The following ZNF875 variants were observed in gnomAD, a reference collection of about 807,000 sequenced individuals.
ZNF875 encodes HKR1, GLI-Kruppel zinc finger family member.
ZNF875 carries 14 observed loss-of-function variants against 11.2 expected under a neutral mutation model. The ratio of observed to expected loss-of-function variants is 1.26; its 90% CI spans 0.83 to 1.96. The LOEUF (loss-of-function observed/expected upper bound fraction) is 1.96. Ranked by LOEUF, ZNF875 falls within the 30% of genes most tolerant of loss-of-function variation. ZNF875 has a pLI of 0.00. For missense variants in ZNF875, 752 were observed against 760.4 expected, an observed-to-expected ratio of 0.99 and a Z score of 0.13; for synonymous variants, 301 against 281.1, an observed-to-expected ratio of 1.07 and a Z score of -0.71.
chr19:37,344,314 G>C (rs571125660), intron 2 of ZNF875, among the ~76,000 whole-genome samples: 1 of 152,140 alleles, frequency 6.6e-6, no homozygotes, highest in East Asian at 1.9e-4. Flanking sequence ...AAACATTGCT[G>C]GGCTCCCCCC....
upstream of ZNF875, among the ~76,000 whole-genome samples, chr19:37,331,749 A>G (rs2033428806): frequency 6.8e-6 from 1 of 146,302 alleles, no homozygotes; most frequent in African/African-American, 2.5e-5. Context: ...CCCATGTGAT[A>G]GTCTGAAAGA....
chr19:37,347,255 T>C lies in ZNF875; in HGVS notation c.99T>C (p.Pro33=). 5.6e-6 allele frequency: 9 copies of C among 1,614,160 alleles called. No homozygotes were observed. The highest frequency in any genetic ancestry group is 7.6e-6 in the Non-Finnish European group (9 of 1,180,002). ...FTQEEWRLLS[P]AQRTLHREVM... is the part of the protein sequence containing the mutation. ...AGGAGGAGTGGAGGTTGTTGAGCCC[T>C]GCTCAGAGGACCCTGCACAGGGAGG... The change falls in exon 3 of 5, where the codon CCT becomes CCC. Residue 33 remains proline, a synonymous_variant. Transcript: ENST00000392153.
chr19:37,322,991 G>C (rs1165600226), intron 2 of ZNF875, among the ~76,000 whole-genome samples: 1 of 151,862 alleles, frequency 6.6e-6, no homozygotes, highest in East Asian at 1.9e-4. Context: ...CTGCAAGCTT[G>C]AACATTTGAT....
chr19:37,361,926 A>AAAC, intron 4 of ZNF875, 183 bp from the exon 5 acceptor site: 1 of 170,852 alleles, frequency 5.9e-6, no homozygotes. Context: ...AAAAAAAAAC[A>AAAC]AAAAAACAAA....
At chr19:37,329,274 C>G (rs2033015867) in intron 4 of ZNF875, among the ~76,000 whole-genome samples, 1 of 152,108 alleles carries the variant, frequency 6.6e-6, no homozygotes, top group Non-Finnish European at 1.5e-5. Flanking sequence ...CACCACCCAG[C>G]TTGGGTATCT....
chr19:37,319,194 G>T (rs945046298), intron 1 of ZNF875, among the ~76,000 whole-genome samples: 1 of 151,286 alleles, frequency 6.6e-6, no homozygotes, highest in Non-Finnish European at 1.5e-5. Flanking sequence ...TTATAGGCAT[G>T]CACCATCATG....
At position 37,347,947 on chromosome 19, in the gene ZNF875, C is replaced by T. The variant is rs1452488983; in HGVS notation, c.256+75C>T. ...GGAAGGAGGAGGCATCTCTCAGATA[C>T]TGGGAAGAAGCTCTTCTTCAGGCCT... On this transcript the variant is annotated intron_variant, in intron 4 of 4. Coordinates refer to ENST00000392153, the MANE Select transcript of ZNF875 (RefSeq NM_001353803.2). 5 of 865,378 alleles carry T rather than the reference C, an allele frequency of 5.8e-6. No individual in the cohort carries two copies. In the East Asian group the frequency reaches 7.4e-5, roughly 13 times the overall value. The allele number at this position is 865,378 out of a possible 1,614,324, so 53.6% of individuals were successfully genotyped here. A position where few individuals can be genotyped will look rare whatever the true frequency, so the allele number is the denominator to read the frequency against.
rs2034101919 is a variant in ZNF875 at position 37,335,219 on chromosome 19, A to G, written c.-6A>G. ...CTCCAGGAAGAGCACTCAGGAGACC[A>G]GGAAAATGGCCACAGGGCTCCTGAG... On this transcript the variant is annotated 5_prime_UTR_variant, in exon 2 of 5. Coordinates refer to ENST00000392153, the MANE Select transcript of ZNF875 (RefSeq NM_001353803.2). 1 of 702,442 alleles carries G rather than the reference A, an allele frequency of 1.4e-6. No homozygotes were observed. Among genetic ancestry groups the G allele is most frequent in the Non-Finnish European group, 2.6e-6 (1 of 384,670 alleles). The allele number at this position is 702,442 out of a possible 1,614,324, so 43.5% of individuals were successfully genotyped here.
intron 2 of ZNF875, among the ~76,000 whole-genome samples, chr19:37,335,797 A>G (rs549634467): frequency 6.6e-6 from 1 of 152,308 alleles, no homozygotes; most frequent in South Asian, 2.1e-4. Context: ...TGCATTCATG[A>G]TAAACAGTTT....
intron 4 of ZNF875, among the ~76,000 whole-genome samples, chr19:37,325,271 G>A (rs371766751): frequency 2.6e-5 from 4 of 152,188 alleles, no homozygotes; most frequent in East Asian, 1.9e-4. Context: ...GTCAGCACCC[G>A]AAGGTACCCA....
chr19:37,320,007 C>T (rs1446200760), intron 1 of ZNF875, among the ~76,000 whole-genome samples: 1 of 152,188 alleles, frequency 6.6e-6, no homozygotes, highest in East Asian at 1.9e-4. Flanking sequence ...CTGCCTCAGC[C>T]TCTCCCAGTA....
intron 4 of ZNF875, among the ~76,000 whole-genome samples, chr19:37,351,612 G>A (rs1359526863): frequency 6.6e-6 from 1 of 151,970 alleles, no homozygotes; most frequent in African/African-American, 2.4e-5. Context: ...CTTTTGGTGT[G>A]TTGTGTTTTC....
Position 37,342,670 on chromosome 19 carries a change from C to T in ZNF875, c.34-4520C>T, listed in dbSNP as rs991696588. 1.1e-4 allele frequency among the ~76,000 whole-genome samples: 17 copies of T among 152,112 alleles called. No individual in the cohort carries two copies. The South Asian group carries it at 1.5e-3, about 13-fold the overall frequency. On this transcript the variant is annotated intron_variant, in intron 2 of 4. Coordinates refer to ENST00000392153, the MANE Select transcript of ZNF875 (RefSeq NM_001353803.2). ...TGGGTGATGCGCCTGCCTCGGCCTC[C>T]CAAAGTGTTGGGATTACAAATGTGA...
At chr19:37,319,696 C>CA (rs1228377497) in intron 1 of ZNF875, among the ~76,000 whole-genome samples, 3 of 152,114 alleles carry the variant, frequency 2.0e-5, no homozygotes, top group Non-Finnish European at 4.4e-5. Flanking sequence ...TACTGACCCT[C>CA]AATCCGTTAC....
chr19:37,352,017 C>T (rs1181676584), intron 4 of ZNF875, among the ~76,000 whole-genome samples: 2 of 152,196 alleles, frequency 1.3e-5, no homozygotes, highest in Non-Finnish European at 2.9e-5. Flanking sequence ...GTTAACATAT[C>T]ATTGTGGATT....
At chr19:37,321,087 C>G (rs1423933006) in intron 1 of ZNF875, among the ~76,000 whole-genome samples, 3 of 152,172 alleles carry the variant, frequency 2.0e-5, no homozygotes, top group Non-Finnish European at 4.4e-5. Context: ...CTGTGTAAGG[C>G]CGCAGGGATC....
chr19:37,344,442 C>G (rs1407304367), intron 2 of ZNF875, among the ~76,000 whole-genome samples: 1 of 152,126 alleles, frequency 6.6e-6, no homozygotes, highest in Admixed American at 6.5e-5. Flanking sequence ...TGCACTAAGC[C>G]CTGCTGCCTC....
Position 37,320,470 on chromosome 19 carries a change from A to ACAGACACTT in ZNF875, c.-746-1715_-746-1714insCAGACACTT. Among the ~76,000 whole-genome samples, 2 of 152,260 alleles carry ACAGACACTT rather than the reference A, an allele frequency of 1.3e-5. 1 individual carries two copies. Among genetic ancestry groups the ACAGACACTT allele is most frequent in the South Asian group, 4.1e-4 (2 of 4,834 alleles). On this transcript the variant is annotated intron_variant, in intron 1 of 5. Transcript: ENST00000544914. Reference sequence around the variant, plus strand: ...ACTTGCTATTGTTACTTAATGTGTTAAAGTGGCTGTTACAGACACTATTAC... The same window carrying ACAGACACTT: ...ACTTGCTATTGTTACTTAATGTGTTACAGACACTTAAGTGGCTGTTACAGACACTATTAC...
chr19:37,323,668 G>A (rs1286804341), intron 3 of ZNF875: 2 of 152,136 alleles, frequency 1.3e-5, no homozygotes, highest in African/African-American at 2.4e-5. Flanking sequence ...GGACAGTAGG[G>A]AAGTCTACAT....
Sources: allele counts gnomAD v4.1 joint callset (sites outside exome capture counted in the v4.1 genomes callset), GRCh38; gene constraint gnomAD v4.1.1; transcripts MANE v1.5; gene names NCBI Gene and HGNC (gene_info 2026-07-23, HGNC 2026-07-21).